ADGRL3: variants seen among roughly 807,000 people sequenced by gnomAD.
The protein encoded by ADGRL3 is adhesion G protein-coupled receptor L3, also known as calcium-independent alpha-latrotoxin receptor 3.
A neutral mutation model predicts 153.5 loss-of-function variants in ADGRL3; 62 were observed. The observed-to-expected ratio is 0.40, with a 90% CI of 0.33 to 0.50. ADGRL3 has a LOEUF of 0.50. ADGRL3 is among the 20% of genes least tolerant of loss of function. The pLI, the probability that ADGRL3 is intolerant of heterozygous loss-of-function variation, is 0.47. For missense variants in ADGRL3, 1,641 were observed against 1,859.4 expected, an observed-to-expected ratio of 0.88 and a Z score of 2.16; for synonymous variants, 710 against 672.5, an observed-to-expected ratio of 1.06 and a Z score of -0.86.
intron 4 of ADGRL3, among the ~76,000 whole-genome samples, chr4:61,539,120 C>T (rs987894218): frequency 1.3e-5 from 2 of 152,176 alleles, no homozygotes; most frequent in East Asian, 1.9e-4. Flanking sequence ...ACTATTTTGC[C>T]CTGTGTCACC....
intron 1 of ADGRL3, among the ~76,000 whole-genome samples, chr4:61,317,703 A>C (rs2150681056): frequency 6.6e-6 from 1 of 152,284 alleles, no homozygotes; most frequent in East Asian, 1.9e-4. Flanking sequence ...GGAAGGAAAG[A>C]CAGAGGCTGA....
At chr4:61,338,186 G>A (rs1222006892) in intron 1 of ADGRL3, among the ~76,000 whole-genome samples, 1 of 151,724 alleles carries the variant, frequency 6.6e-6, no homozygotes, top group Non-Finnish European at 1.5e-5. Flanking sequence ...CGAGAGGATC[G>A]CTTGAACCTA....
At chr4:61,514,171 G>A (rs1347807527) in intron 3 of ADGRL3, among the ~76,000 whole-genome samples, 1 of 152,164 alleles carries the variant, frequency 6.6e-6, no homozygotes, top group Non-Finnish European at 1.5e-5. Context: ...GAGAATGCCA[G>A]GGCATAGATA....
intron 9 of ADGRL3, among the ~76,000 whole-genome samples, chr4:61,817,928 G>C (rs1008517101): frequency 4.6e-5 from 7 of 152,052 alleles, no homozygotes; most frequent in African/African-American, 1.7e-4. Flanking sequence ...AGAATTATGA[G>C]AGCTACAATG....
chr4:61,371,348 T>C (rs1414655679), intron 1 of ADGRL3, among the ~76,000 whole-genome samples: 1 of 151,794 alleles, frequency 6.6e-6, no homozygotes, highest in African/African-American at 2.4e-5. Context: ...CATTTTGGCA[T>C]GATTTTGCAG....
intron 2 of ADGRL3, among the ~76,000 whole-genome samples, chr4:61,456,394 T>TAG (rs1274688587): frequency 1.3e-4 from 14 of 109,662 alleles, no homozygotes; most frequent in African/African-American, 4.8e-4. Flanking sequence ...TATATAGATA[T>TAG]ATCTATATCT....
At chr4:61,853,030 T>A in intron 9 of ADGRL3, among the ~76,000 whole-genome samples, 1 of 151,996 alleles carries the variant, frequency 6.6e-6, no homozygotes, top group Non-Finnish European at 1.5e-5. Flanking sequence ...TTTTGTTTTG[T>A]TTTTTGAGAC....
chr4:61,401,084 A>T (rs1201077800), intron 2 of ADGRL3, among the ~76,000 whole-genome samples: 1 of 151,440 alleles, frequency 6.6e-6, no homozygotes, highest in East Asian at 1.9e-4. Context: ...TTTAAAAAAA[A>T]GATTTTTTGA....
chr4:61,352,019 C>A (rs1372837583), intron 1 of ADGRL3, among the ~76,000 whole-genome samples: 1 of 152,068 alleles, frequency 6.6e-6, no homozygotes, highest in African/African-American at 2.4e-5. Flanking sequence ...AAATTGAAAA[C>A]CTTCTAGAAA....
chr4:61,911,928 T>C (rs1198935658), intron 12 of ADGRL3, among the ~76,000 whole-genome samples: 2 of 152,198 alleles, frequency 1.3e-5, no homozygotes, highest in African/African-American at 4.8e-5. Context: ...TGAACTGTTA[T>C]TAGTTATTCA....
At chr4:61,490,039 C>G (rs2098241013) in intron 2 of ADGRL3, among the ~76,000 whole-genome samples, 1 of 152,098 alleles carries the variant, frequency 6.6e-6, no homozygotes, top group Non-Finnish European at 1.5e-5. Context: ...GTCTACTGCT[C>G]CTCACTTCTT....
chr4:61,771,977 A>G (rs575023611), intron 8 of ADGRL3, among the ~76,000 whole-genome samples: 1 of 152,272 alleles, frequency 6.6e-6, no homozygotes, highest in South Asian at 2.1e-4. Context: ...AGCCATCTTC[A>G]TATCTCAGGG....
At chr4:61,263,422 G>A (rs1239879119) in intron 1 of ADGRL3, among the ~76,000 whole-genome samples, 1 of 147,612 alleles carries the variant, frequency 6.8e-6, no homozygotes, top group Non-Finnish European at 1.5e-5. Flanking sequence ...GTAATTGAAT[G>A]TAAATTGTAA....
chr4:61,861,723 T>C (rs901003961), intron 9 of ADGRL3, among the ~76,000 whole-genome samples: 9 of 152,094 alleles, frequency 5.9e-5, no homozygotes, highest in African/African-American at 2.2e-4. Context: ...GGTTTGTTTT[T>C]ACTCCACCAT....
intron 1 of ADGRL3, among the ~76,000 whole-genome samples, chr4:61,281,790 A>G (rs1262018557): frequency 2.0e-5 from 3 of 152,108 alleles, no homozygotes; most frequent in Non-Finnish European, 4.4e-5. Flanking sequence ...ATTTAGACAA[A>G]ACCATAACAT....
At chr4:61,802,047 G>T (rs2097504276) in intron 8 of ADGRL3, among the ~76,000 whole-genome samples, 1 of 151,954 alleles carries the variant, frequency 6.6e-6, no homozygotes, top group Non-Finnish European at 1.5e-5. Context: ...ATATAATTTT[G>T]AAATGATCAT....
chr4:61,844,444 G>A (rs1243643310), intron 9 of ADGRL3, among the ~76,000 whole-genome samples: 3 of 146,616 alleles, frequency 2.0e-5, no homozygotes, highest in Non-Finnish European at 4.5e-5. Context: ...CTACTCGGGA[G>A]GCTGAAGCAG....
At chr4:61,912,317 GA>G (rs990505283) in intron 12 of ADGRL3, among the ~76,000 whole-genome samples, 6 of 152,050 alleles carry the variant, frequency 3.9e-5, no homozygotes, top group African/African-American at 1.4e-4. Context: ...ATCTATCTTT[GA>G]AAAATGGGTT....
chr4:62,007,656 C>G (rs577980835), intron 21 of ADGRL3, among the ~76,000 whole-genome samples: 27 of 151,332 alleles, frequency 1.8e-4, no homozygotes, highest in African/African-American at 6.3e-4. Flanking sequence ...AGCTAGATAC[C>G]ACAACATGTG....
Sources: gnomAD v4.1 joint callset for allele counts (sites outside exome capture counted in the v4.1 genomes callset) on GRCh38, gnomAD v4.1.1 for gene constraint, MANE v1.5 for transcripts, NCBI Gene and HGNC (gene_info 2026-07-23, HGNC 2026-07-21) for gene names.